ZNF223: variants seen among roughly 807,000 people sequenced by gnomAD.
ZNF223 encodes Homo sapiens zinc finger protein 223.
In ZNF223, 9 loss-of-function variants were observed where a neutral mutation model predicts 12.3. That is an observed-to-expected ratio of 0.73 (90% confidence interval 0.44 to 1.28). The LOEUF is 1.28. ZNF223 is among the 50% of genes most tolerant of loss of function. ZNF223 has a pLI of 0.00. For synonymous variants in ZNF223, 171 were observed against 195.2 expected, an observed-to-expected ratio of 0.88 and a Z score of 1.03; for missense variants, 506 against 579.0, an observed-to-expected ratio of 0.87 and a Z score of 1.29.
chr19:44,061,362 A>T (rs566838238), intron 4 of ZNF223, among the ~76,000 whole-genome samples: 42 of 152,190 alleles, frequency 2.8e-4, no homozygotes, highest in Non-Finnish European at 5.6e-4. Flanking sequence ...ACTGGGAAAA[A>T]ATCAAGCTGT....
chr19:44,061,922 CTT>C lies in ZNF223; in HGVS notation c.235+1083_235+1084del. Among the ~76,000 whole-genome samples the C allele has an allele frequency of 2.0e-5, 3 of 152,318 alleles. 1 individual carries two copies. In the Middle Eastern group the frequency reaches 0.01, roughly 518 times the overall value. ...CACCCTATTGAAAATACCATCCTATCTTTACTTGGCCTGCAAGTATTATGTGT... is the reference window on the plus strand; with the variant it reads ...CACCCTATTGAAAATACCATCCTATCTACTTGGCCTGCAAGTATTATGTGT... On this transcript the variant is annotated intron_variant, in intron 4 of 4. Coordinates refer to ENST00000434772, the MANE Select transcript of ZNF223 (RefSeq NM_013361.6).
At chr19:44,054,994 G>C (rs551265649) in intron 1 of ZNF223, 115 bp from the exon 2 acceptor site, 6 of 519,048 alleles carry the variant, frequency 1.2e-5, no homozygotes, top group Non-Finnish European at 2.1e-5. Context: ...GGGTTAGTAT[G>C]AATAATGCTG....
chr19:44,067,028 T>TA lies in ZNF223; in HGVS notation c.1202dup (p.Asn401LysfsTer3), dbSNP rs1475042397. 4 of 1,613,106 alleles carry TA rather than the reference T, an allele frequency of 2.5e-6. No homozygotes were observed. Among genetic ancestry groups the TA allele is most frequent in the Admixed American group, 1.7e-5 (1 of 59,994 alleles). ...GAGCCCACACAGGAGAGAGACCTTA[T>TA]AACTGTGATGACTGTGGGAAGAGCT... On this transcript the variant is annotated frameshift_variant, in exon 5 of 5. Coordinates refer to ENST00000434772, the MANE Select transcript of ZNF223 (RefSeq NM_013361.6). LOFTEE classifies it low-confidence loss of function (END_TRUNC).
At chr19:44,055,887 C>T (rs1976756876) in intron 2 of ZNF223, among the ~76,000 whole-genome samples, 1 of 152,160 alleles carries the variant, frequency 6.6e-6, no homozygotes, top group African/African-American at 2.4e-5. Flanking sequence ...ATCTCTTCTC[C>T]TAAACTCATG....
chr19:44,067,467 A>G lies in ZNF223; in HGVS notation c.*190A>G. On this transcript the variant is annotated 3_prime_UTR_variant, in exon 5 of 5. Coordinates refer to ENST00000434772, the MANE Select transcript of ZNF223 (RefSeq NM_013361.6). Reference sequence around the variant, plus strand: ...CGATGATAGTCACCTTTAGTGCTGCAGAACAGCAGAACTTCTTCCTCTTAT... The same window carrying G: ...CGATGATAGTCACCTTTAGTGCTGCGGAACAGCAGAACTTCTTCCTCTTAT... 1 of 735,294 alleles carries G rather than the reference A, an allele frequency of 1.4e-6. No homozygotes were observed. The highest frequency in any genetic ancestry group is 1.7e-5 in the African/African-American group (1 of 57,798). The allele number at this position is 735,294 out of a possible 1,614,324, so 45.5% of individuals were successfully genotyped here.
At chr19:44,056,714 C>G (rs2147470394) in intron 2 of ZNF223, among the ~76,000 whole-genome samples, 1 of 149,310 alleles carries the variant, frequency 6.7e-6, no homozygotes, top group East Asian at 2.1e-4. Context: ...CTGCCTCAGC[C>G]TCCCGAGTAG....
intron 1 of ZNF223, among the ~76,000 whole-genome samples, chr19:44,052,997 C>G (rs1329152617): frequency 2.0e-5 from 3 of 152,028 alleles, no homozygotes; most frequent in Non-Finnish European, 4.4e-5. Context: ...TTAAATTTTT[C>G]ATTTAAAGTC....
At chr19:44,062,889 C>A (rs1180785832) in intron 4 of ZNF223, among the ~76,000 whole-genome samples, 1 of 152,198 alleles carries the variant, frequency 6.6e-6, no homozygotes, top group African/African-American at 2.4e-5. Flanking sequence ...GATGAGAGGA[C>A]ACAAGTTATG....
Position 44,067,116 on chromosome 19 carries a change from T to C in ZNF223, c.1288T>C (p.Cys430Arg). ...RLHCRKKPFK[C>R]EDCGKKLVYR... is the part of the protein sequence containing the mutation. The stretch of plus-strand genomic sequence containing the variant: ...CCATTGCCGAAAAAAACCATTCAAA[T>C]GTGAGGATTGTGGAAAGAAGCTTGT... The change falls in exon 5 of 5, where the codon TGT (cysteine) becomes CGT (arginine). Residue 430 changes from cysteine (C) to arginine (R), a missense_variant. Cys to Arg is a radical substitution (Grantham distance 180). Coordinates refer to ENST00000434772, the MANE Select transcript of ZNF223 (RefSeq NM_013361.6). The C allele has an allele frequency of 6.2e-7, 1 of 1,613,438 alleles. No homozygotes were observed. The highest frequency in any genetic ancestry group is 8.5e-7 in the Non-Finnish European group (1 of 1,179,914).
Position 44,066,107 on chromosome 19 carries a change from A to T in ZNF223, c.279A>T (p.Gly93=), listed in dbSNP as rs1439196000. 1 of 1,607,788 alleles carries T rather than the reference A, an allele frequency of 6.2e-7. No individual in the cohort carries two copies. The highest frequency in any genetic ancestry group is 1.3e-5 in the African/African-American group (1 of 74,512). Residue 93 remains glycine, a synonymous_variant, in exon 5 of 5, where the codon GGA becomes GGT. Transcript: ENST00000434772. The part of the protein sequence containing the change: ...QPEMKTFPEA[G]PHEGWSCQQI... The stretch of plus-strand genomic sequence containing the variant: ...AGATGAAGACTTTTCCAGAAGCAGG[A>T]CCACATGAAGGGTGGTCCTGCCAGC...
At chr19:44,065,359 A>G (rs1976893505) in intron 4 of ZNF223, among the ~76,000 whole-genome samples, 1 of 152,208 alleles carries the variant, frequency 6.6e-6, no homozygotes, top group African/African-American at 2.4e-5. Context: ...TATACGAAGT[A>G]TTTATTATGT....
In ZNF223 at chr19:44,066,659, ACAT is replaced by A. The variant is rs1249376371; in HGVS notation, c.834_836del (p.His278del). ...TCATTCATGATTTCCAGCTTCAGAA[ACAT>A]CAGAGAATTCACACAGGGGAGAAGC... On this transcript the variant is annotated inframe_deletion, in exon 5 of 5. Transcript: ENST00000434772. 2 of 1,614,110 alleles carry A rather than the reference ACAT, an allele frequency of 1.2e-6. No individual in the cohort carries two copies. Among genetic ancestry groups the A allele is most frequent in the African/African-American group, 1.3e-5 (1 of 74,934 alleles).
At chr19:44,064,002 G>T (rs1448969207) in intron 4 of ZNF223, among the ~76,000 whole-genome samples, 3 of 152,096 alleles carry the variant, frequency 2.0e-5, no homozygotes, top group African/African-American at 4.8e-5. Context: ...CCTAATTCAG[G>T]ACTTGGTAAT....
chr19:44,059,564 A>G (rs970841317), intron 2 of ZNF223, among the ~76,000 whole-genome samples: 1 of 152,166 alleles, frequency 6.6e-6, no homozygotes, highest in African/African-American at 2.4e-5. Flanking sequence ...GAGATAAGGA[A>G]TGTGCTGTGC....
Position 44,060,845 on chromosome 19 carries a change from A to G in ZNF223, c.235+4A>G. On this transcript the variant is annotated splice_donor_region_variant and intron_variant, in intron 4 of 4. Coordinates refer to ENST00000434772, the MANE Select transcript of ZNF223 (RefSeq NM_013361.6). ...ACCCAAAGGGAAGGGAATTCAGGTA[A>G]GAAGCACGCAACTGTGTGTCCTTGT... 1 of 1,610,250 alleles carries G rather than the reference A, an allele frequency of 6.2e-7. No homozygotes were observed. The highest frequency in any genetic ancestry group is 8.5e-7 in the Non-Finnish European group (1 of 1,177,244).
intron 4 of ZNF223, among the ~76,000 whole-genome samples, chr19:44,065,435 A>G (rs975543309): frequency 5.3e-5 from 8 of 152,172 alleles, no homozygotes; most frequent in African/African-American, 1.7e-4. Flanking sequence ...TTAGTAATTT[A>G]TCATGTAAAA....
intron 2 of ZNF223, among the ~76,000 whole-genome samples, chr19:44,055,613 T>C (rs1026866762): frequency 2.0e-5 from 3 of 151,720 alleles, no homozygotes; most frequent in African/African-American, 7.3e-5. Flanking sequence ...CTACTAAAAA[T>C]ACAAAATTAA....
chr19:44,054,992 A>G (rs907922306), intron 1 of ZNF223, 117 bp from the exon 2 acceptor site: 4 of 506,272 alleles, frequency 7.9e-6, no homozygotes, highest in Admixed American at 3.1e-5. Context: ...TGGGGTTAGT[A>G]TGAATAATGC....
At position 44,059,863 on chromosome 19, in the gene ZNF223, T is replaced by G. The variant is rs577837000; in HGVS notation, c.16-592T>G. Among the ~76,000 whole-genome samples, 167 of 152,338 alleles carry G rather than the reference T, an allele frequency of 1.1e-3. 2 individuals are homozygous for G. The highest frequency in any genetic ancestry group is 3.5e-3 in the African/African-American group (147 of 41,574). On this transcript the variant is annotated intron_variant, in intron 2 of 4. Coordinates refer to ENST00000434772, the MANE Select transcript of ZNF223 (RefSeq NM_013361.6). ...AGGACCCTGGTGACCCCTATGGTAT[T>G]CCGTGGTCTCATTCTTCACCACTGT...
Sources: gnomAD v4.1 joint callset for allele counts (sites outside exome capture counted in the v4.1 genomes callset) on GRCh38, gnomAD v4.1.1 for gene constraint, MANE v1.5 for transcripts, NCBI Gene and HGNC (gene_info 2026-07-23, HGNC 2026-07-21) for gene names.